The following FRY variants were observed in gnomAD, a reference collection of about 807,000 sequenced individuals.
FRY encodes FRY microtubule binding protein, also known as protein furry homolog.
FRY carries 128 observed loss-of-function variants against 348.4 expected under a neutral mutation model. That is an observed-to-expected ratio of 0.37 (90% CI 0.32 to 0.43). The LOEUF is 0.43. Ranked by LOEUF, FRY falls within the 20% of genes least tolerant of loss-of-function variation. The pLI is 1.00. For synonymous variants in FRY, 1,370 were observed against 1,374.7 expected, an observed-to-expected ratio of 1.00 and a Z score of 0.08; for missense variants, 2,736 against 3,695.2, an observed-to-expected ratio of 0.74 and a Z score of 6.73.
rs943786601 is a variant in FRY at position 32,296,961 on chromosome 13, A to G, written c.*1501A>G. On this transcript the variant is annotated 3_prime_UTR_variant, in exon 61 of 61. Transcript: ENST00000542859. ...TCCTTCAAATTTGGAAGTTAATTCT[A>G]TAGTGAGCAGGAAAAAGTAGTAGAG... The G allele has an allele frequency of 5.3e-5, 8 of 152,250 alleles. No homozygotes were observed. Among genetic ancestry groups the G allele is most frequent in the South Asian group, 2.1e-4 (1 of 4,836 alleles). The allele number at this position is 152,250 out of a possible 1,614,324, so 9.4% of individuals were successfully genotyped here.
chr13:32,065,072 T>A (rs1874172161), intron 1 of FRY, among the ~76,000 whole-genome samples: 1 of 152,210 alleles, frequency 6.6e-6, no homozygotes, highest in African/African-American at 2.4e-5. Context: ...ATATAGTAAT[T>A]TATTTTTCAA....
rs941142035 is a variant in FRY at position 32,239,347 on chromosome 13, C to G, written c.6514C>G (p.Gln2172Glu). 1.3e-6 allele frequency: 2 copies of G among 1,580,764 alleles called. No homozygotes were observed. Among genetic ancestry groups the G allele is most frequent in the African/African-American group, 1.3e-5 (1 of 74,162 alleles). ...TAAGGATATAGCCGAAAGGATTGCT[C>G]AGGTATGAGTTACAGTTCCACACTC... ...FCKDIAERIAQVCLEEKNPKL... is the reference protein window; with the variant it reads ...FCKDIAERIAEVCLEEKNPKL... Residue 2172 changes from glutamine to glutamate, a missense_variant and splice_region_variant, in exon 45 of 61, where the codon CAG becomes GAG. Gln to Glu is a conservative substitution (Grantham distance 29). Coordinates refer to ENST00000542859, the MANE Select transcript of FRY (RefSeq NM_023037.3). The surrounding 1 kb of genome is among the most constrained non-coding windows in gnomAD (Gnocchi z 4.3).
chr13:32,185,283 A>T (rs984608465), intron 26 of FRY, 135 bp downstream of exon 26: 3 of 740,308 alleles, frequency 4.1e-6, no homozygotes, highest in Non-Finnish European at 7.2e-6. Flanking sequence ...ACTTCGAGAT[A>T]CTAGGACATA....
intron 32 of FRY, among the ~76,000 whole-genome samples, chr13:32,209,326 A>G (rs1421066135): frequency 1.3e-5 from 2 of 152,234 alleles, no homozygotes; most frequent in African/African-American, 4.8e-5. Flanking sequence ...TGCGTATTTT[A>G]CAGCAATTTT....
At chr13:32,182,512 T>A (rs542842493) in intron 23 of FRY, among the ~76,000 whole-genome samples, 32 of 152,314 alleles carry the variant, frequency 2.1e-4, no homozygotes, top group Non-Finnish European at 3.8e-4. Flanking sequence ...ACTGTGGTAA[T>A]TGCACCCATC....
chr13:32,094,039 TG>T (rs1472274609), intron 2 of FRY, among the ~76,000 whole-genome samples: 2 of 152,226 alleles, frequency 1.3e-5, no homozygotes, highest in African/African-American at 4.8e-5. Flanking sequence ...AGTTTCCACT[TG>T]TTGGTTAAAT....
chr13:32,067,285 C>T (rs774428728), intron 1 of FRY, among the ~76,000 whole-genome samples: 4 of 152,164 alleles, frequency 2.6e-5, no homozygotes, highest in South Asian at 2.1e-4. Context: ...CCACCTACTG[C>T]GTGGCCCAGA....
chr13:32,280,957 G>C (rs1888780023), intron 58 of FRY, among the ~76,000 whole-genome samples: 1 of 151,896 alleles, frequency 6.6e-6, no homozygotes, highest in South Asian at 2.1e-4. Context: ...CTTTCTTCCT[G>C]GTTCTTCTTT....
intron 35 of FRY, among the ~76,000 whole-genome samples, chr13:32,217,009 T>G (rs763403440): frequency 4.6e-5 from 7 of 152,192 alleles, no homozygotes; most frequent in Non-Finnish European, 8.8e-5. Flanking sequence ...TGCCCTAAGG[T>G]TGTACACCTG....
chr13:32,230,317 G>T (rs902602709), intron 40 of FRY, among the ~76,000 whole-genome samples: 1 of 152,264 alleles, frequency 6.6e-6, no homozygotes, highest in African/African-American at 2.4e-5. Context: ...GAGAACATGC[G>T]GTATTTGGTT....
At position 32,117,405 on chromosome 13, in the gene FRY, T is replaced by C; in HGVS notation, c.396T>C (p.Tyr132=). The C allele has an allele frequency of 6.2e-7, 1 of 1,613,920 alleles. No homozygotes were observed. Among genetic ancestry groups the C allele is most frequent in the Non-Finnish European group, 8.5e-7 (1 of 1,179,782 alleles). Residue 132 remains tyrosine (Y), a synonymous_variant, in exon 4 of 61, where the codon TAT becomes TAC. Transcript: ENST00000542859. ...PSILRTLFDW[Y]KRQNGIEDES... is the part of the protein sequence containing the mutation. ...TTCTACGTACATTATTTGACTGGTATAAAAGGCAAAATGGCATTGAGGATG... is the reference window on the plus strand; with the variant it reads ...TTCTACGTACATTATTTGACTGGTACAAAAGGCAAAATGGCATTGAGGATG...
chr13:32,250,557 C>T (rs981564513), intron 49 of FRY, among the ~76,000 whole-genome samples: 2 of 152,152 alleles, frequency 1.3e-5, no homozygotes, highest in Non-Finnish European at 2.9e-5. Flanking sequence ...GACTTCAGAG[C>T]GACAGAGGCC....
Position 32,131,719 on chromosome 13 carries a change from G to A in FRY, c.764G>A (p.Arg255Gln), listed in dbSNP as rs375324643. The change falls in exon 8 of 61, where the codon CGG becomes CAG. Residue 255 changes from arginine to glutamine, a missense_variant. Arg to Gln is a conservative substitution (Grantham distance 43). Transcript: ENST00000542859. ...TTTATGGCGGAGCTAAAAGAATTACGGCACAAAGAGCAGAACCCATATGTG... is the reference window on the plus strand; with the variant it reads ...TTTATGGCGGAGCTAAAAGAATTACAGCACAAAGAGCAGAACCCATATGTG... ...KKFMAELKEL[R>Q]HKEQNPYVVQ... 22 of 1,613,678 alleles carry A rather than the reference G, an allele frequency of 1.4e-5. No homozygotes were observed. The African/African-American group carries it at 1.5e-4, about 11-fold the overall frequency.
At position 32,202,458 on chromosome 13, in the gene FRY, G is replaced by A. The variant is rs774866304; in HGVS notation, c.3949G>A (p.Val1317Met). 45 of 1,613,756 alleles carry A rather than the reference G, an allele frequency of 2.8e-5. No homozygotes were observed. Among genetic ancestry groups the A allele is most frequent in the South Asian group, 1.1e-4 (10 of 91,078 alleles). Reference protein sequence around the residue: ...THGPLPPLYSVSLALLSCELA... With the variant: ...THGPLPPLYSMSLALLSCELA... The stretch of plus-strand genomic sequence containing the variant: ...CGGCCCGCTGCCACCCCTCTACAGC[G>A]TGTCACTTGCCCTCTTGTCATGTGA... The change falls in exon 31 of 61, where the codon GTG becomes ATG. Residue 1317 changes from valine (V) to methionine (M), a missense_variant. Val to Met is a conservative substitution (Grantham distance 21). Coordinates refer to ENST00000542859, the MANE Select transcript of FRY (RefSeq NM_023037.3).
intron 59 of FRY, among the ~76,000 whole-genome samples, chr13:32,290,975 T>G (rs879609570): frequency 6.6e-5 from 10 of 152,096 alleles, no homozygotes; most frequent in Non-Finnish European, 1.5e-4. Flanking sequence ...TGCCGGCTAG[T>G]CAATGGCTGC....
chr13:32,125,374 T>C (rs529578515), intron 7 of FRY, among the ~76,000 whole-genome samples: 2 of 152,326 alleles, frequency 1.3e-5, no homozygotes, highest in Non-Finnish European at 2.9e-5. Context: ...CCCATAGCAC[T>C]ACTTAGCAGG....
Position 32,296,111 on chromosome 13 carries a change from GCTA to G in FRY, c.*654_*656del, listed in dbSNP as rs1258202234. 1 of 152,816 alleles carries G rather than the reference GCTA, an allele frequency of 6.5e-6. No individual in the cohort carries two copies. Among genetic ancestry groups the G allele is most frequent in the Non-Finnish European group, 1.5e-5 (1 of 68,214 alleles). 9.5% of individuals were successfully genotyped at this position (152,816 alleles called of 1,614,324 possible). On this transcript the variant is annotated 3_prime_UTR_variant, in exon 61 of 61. Coordinates refer to ENST00000542859, the MANE Select transcript of FRY (RefSeq NM_023037.3). Reference sequence around the variant, plus strand: ...TGAAGTACCTTTCTTATGTTGCTAGGCTACTGTTTCTGAAAGCCCTGGATCTCT... The same window carrying G: ...TGAAGTACCTTTCTTATGTTGCTAGGCTGTTTCTGAAAGCCCTGGATCTCT...
At chr13:32,100,487 A>G (rs982562179) in intron 2 of FRY, among the ~76,000 whole-genome samples, 11 of 151,234 alleles carry the variant, frequency 7.3e-5, no homozygotes, top group Non-Finnish European at 2.9e-5. Context: ...CACTTATAGC[A>G]TCAGATTCTT....
At position 32,177,659 on chromosome 13, in the gene FRY, G is replaced by A. The variant is rs17077191; in HGVS notation, c.2422-518G>A. Among the ~76,000 whole-genome samples, 1,145 of 152,146 alleles carry A rather than the reference G, an allele frequency of 7.5e-3. 7 individuals are homozygous for A. The highest frequency in any genetic ancestry group is 0.026 in the African/African-American group (1,087 of 41,494). ...TATCTTATCTCAAAAACTGTCAGTA[G>A]AATGTCCTTCATAAAAGGGATTGTG... On this transcript the variant is annotated intron_variant, in intron 20 of 60. Coordinates refer to ENST00000542859, the MANE Select transcript of FRY (RefSeq NM_023037.3).
Sources: allele counts gnomAD v4.1 joint callset (sites outside exome capture counted in the v4.1 genomes callset), GRCh38; gene constraint gnomAD v4.1.1; non-coding constraint Gnocchi (gnomAD v3.1); transcripts MANE v1.5; gene names NCBI Gene and HGNC (gene_info 2026-07-23, HGNC 2026-07-21).